Variants in RSPO2 observed in about 807,000 individuals in gnomAD.
RSPO2 encodes R-spondin-2.
Under a neutral mutation model 30.9 loss-of-function variants are expected in RSPO2, and 14 were observed. The observed-to-expected ratio is 0.45, with a 90% CI of 0.30 to 0.71. The LOEUF is 0.71. Ranked by LOEUF, RSPO2 falls within the 30% of genes least tolerant of loss-of-function variation. The pLI is 0.08. For missense variants in RSPO2, 264 were observed against 301.9 expected, an observed-to-expected ratio of 0.87 and a Z score of 0.93; for synonymous variants, 107 against 96.4, an observed-to-expected ratio of 1.11 and a Z score of -0.64.
chr8:107,943,408 C>A (rs1812961748), intron 5 of RSPO2, among the ~76,000 whole-genome samples: 1 of 152,152 alleles, frequency 6.6e-6, no homozygotes, highest in Admixed American at 6.5e-5. Flanking sequence ...GAGGTCACCG[C>A]CCTTGCTTGA....
At chr8:107,965,825 T>C (rs1217805925) in intron 3 of RSPO2, among the ~76,000 whole-genome samples, 1 of 152,208 alleles carries the variant, frequency 6.6e-6, no homozygotes, top group Non-Finnish European at 1.5e-5. Flanking sequence ...AAAGCCATAC[T>C]TGTTGTAAAG....
At chr8:108,046,464 T>C (rs1331461846) in intron 2 of RSPO2, among the ~76,000 whole-genome samples, 3 of 151,942 alleles carry the variant, frequency 2.0e-5, no homozygotes, top group East Asian at 1.9e-4. Context: ...TATGATATGA[T>C]ATAAAGGGGA....
At chr8:107,986,702 T>C (rs552192199) in intron 3 of RSPO2, among the ~76,000 whole-genome samples, 5 of 152,168 alleles carry the variant, frequency 3.3e-5, no homozygotes, top group Non-Finnish European at 7.3e-5. Flanking sequence ...TATAAGTACA[T>C]ACAATGCTAG....
chr8:108,081,505 G>T (rs1813194527), intron 2 of RSPO2, among the ~76,000 whole-genome samples: 1 of 152,314 alleles, frequency 6.6e-6, no homozygotes, highest in Admixed American at 6.5e-5. Flanking sequence ...CCCTGGGAAG[G>T]GGCTGCTGCG....
chr8:107,976,778 T>C (rs1225142263), intron 3 of RSPO2, among the ~76,000 whole-genome samples: 1 of 152,214 alleles, frequency 6.6e-6, no homozygotes, highest in African/African-American at 2.4e-5. Context: ...TGTTCTCCTG[T>C]CTACAAACAC....
rs988636054 is a variant in RSPO2 at position 107,988,995 on chromosome 8, C to A, written c.283+61G>T. On this transcript the variant is annotated intron_variant, in intron 3 of 5. Transcript: ENST00000276659. ...TAAAAAAATCATTCAAAATCTTCAA[C>A]TTAGCTCCTCTCCTAAGTTGCATAT... 15 of 1,399,784 alleles carry A rather than the reference C, an allele frequency of 1.1e-5. 1 individual carries two copies. The Admixed American group carries it at 3.4e-4, about 32-fold the overall frequency. The allele number at this position is 1,399,784 out of a possible 1,614,324, so 86.7% of individuals were successfully genotyped here.
rs1418649450 is a variant in RSPO2, at chr8:107,937,039, G to C, written c.616+21041C>G. 2.0e-5 allele frequency among the ~76,000 whole-genome samples: 3 copies of C among 151,878 alleles called. No homozygotes were observed. In the East Asian group the frequency reaches 5.8e-4, roughly 29 times the overall value. ...TTGTTATAGTTGTCTGTACTTTCAA[G>C]GTCTTAGTCATGAAATATTTACCTA... On this transcript the variant is annotated intron_variant, in intron 5 of 5. Coordinates refer to ENST00000276659, the MANE Select transcript of RSPO2 (RefSeq NM_178565.5).
At chr8:107,937,569 C>T (rs1308263215) in intron 5 of RSPO2, among the ~76,000 whole-genome samples, 1 of 150,994 alleles carries the variant, frequency 6.6e-6, no homozygotes, top group African/African-American at 2.4e-5. Context: ...CTTTGCTGCC[C>T]TTGCTCTTTT....
intron 3 of RSPO2, among the ~76,000 whole-genome samples, chr8:107,984,318 A>G (rs765488645): frequency 2.0e-5 from 3 of 152,244 alleles, no homozygotes; most frequent in Non-Finnish European, 4.4e-5. Flanking sequence ...TAATTAATCT[A>G]TAATGCCATA....
chr8:107,968,982 T>A (rs542374858), intron 3 of RSPO2, among the ~76,000 whole-genome samples: 9 of 152,256 alleles, frequency 5.9e-5, no homozygotes, highest in African/African-American at 1.9e-4. Flanking sequence ...AACAAACTGA[T>A]CACAATCATT....
intron 3 of RSPO2, among the ~76,000 whole-genome samples, chr8:107,980,161 C>A (rs947472200): frequency 6.6e-6 from 1 of 152,146 alleles, no homozygotes; most frequent in Non-Finnish European, 1.5e-5. Context: ...CAGCTGATGC[C>A]CCATGGGTTC....
At chr8:108,007,226 C>G (rs1343286354) in intron 2 of RSPO2, among the ~76,000 whole-genome samples, 1 of 152,108 alleles carries the variant, frequency 6.6e-6, no homozygotes, top group Non-Finnish European at 1.5e-5. Flanking sequence ...GATTTTTAGA[C>G]TCCAGGCTAG....
At chr8:108,029,054 CTTTTTTTTTTTTTTTTTTTTTTTTT>C (rs71308771) in intron 2 of RSPO2, among the ~76,000 whole-genome samples, 7 of 26,200 alleles carry the variant, frequency 2.7e-4, no homozygotes, top group South Asian at 5.8e-3. Context: ...TAACATGAGT[CTTTTTTTTTTTTTTTTTTTTTTTTT>C]TTTTTTTTTT....
intron 2 of RSPO2, among the ~76,000 whole-genome samples, chr8:108,056,346 T>C (rs761297807): frequency 3.9e-5 from 6 of 151,952 alleles, no homozygotes; most frequent in South Asian, 2.1e-4. Flanking sequence ...CTTGTAAGCA[T>C]AGTGACTCAC....
intron 1 of RSPO2, 160 bp downstream of exon 1, chr8:108,083,037 G>C (rs866234912): frequency 1.1e-5 from 2 of 181,778 alleles, no homozygotes; most frequent in Non-Finnish European, 2.3e-5. Context: ...CCTAAGCTCC[G>C]ACCCAGCGGC....
chr8:108,000,027 G>A (rs542977558), intron 2 of RSPO2, among the ~76,000 whole-genome samples: 1 of 152,226 alleles, frequency 6.6e-6, no homozygotes, highest in South Asian at 2.1e-4. Context: ...TATGTGTCAT[G>A]AATGCTTCAA....
intron 5 of RSPO2, among the ~76,000 whole-genome samples, chr8:107,949,341 C>CT (rs1477300007): frequency 6.6e-6 from 1 of 152,128 alleles, no homozygotes; most frequent in Admixed American, 6.5e-5. Flanking sequence ...TATTTCATTC[C>CT]TTTTTTGTGG....
intron 2 of RSPO2, among the ~76,000 whole-genome samples, chr8:108,038,757 G>GTTTT (rs58167448): frequency 6.9e-6 from 1 of 145,132 alleles, no homozygotes; most frequent in African/African-American, 2.5e-5. Flanking sequence ...TTGTTAGTGG[G>GTTTT]TTTTTTTTTT....
intron 5 of RSPO2, among the ~76,000 whole-genome samples, chr8:107,910,825 A>G (rs977813652): frequency 2.6e-4 from 39 of 152,130 alleles, no homozygotes; most frequent in African/African-American, 8.9e-4. Context: ...TGGGAGGCTG[A>G]GGTGAGAGGA....
Sources: gnomAD v4.1 joint callset for allele counts (sites outside exome capture counted in the v4.1 genomes callset) on GRCh38, gnomAD v4.1.1 for gene constraint, MANE v1.5 for transcripts, NCBI Gene and HGNC (gene_info 2026-07-23, HGNC 2026-07-21) for gene names.